The following LUC7L2 variants were observed in gnomAD, a reference collection of about 807,000 sequenced individuals.
LUC7L2 encodes LUC7 like 2, pre-mRNA splicing factor.
LUC7L2 carries 25 observed loss-of-function variants against 52.8 expected under a neutral mutation model. The ratio of observed to expected loss-of-function variants is 0.47; its 90% confidence interval spans 0.34 to 0.66. The LOEUF is 0.66. Among genes scored for constraint, LUC7L2 ranks in the 30% least tolerant of loss-of-function variants. The probability of loss-of-function intolerance (pLI) is 0.01; values close to 1 mark genes in which losing one functional copy is unlikely to be tolerated. For missense variants in LUC7L2, 328 were observed against 497.8 expected (o/e 0.66, Z 3.25); for synonymous variants, 144 against 160.9 (o/e 0.89, Z 0.80).
chr7:139,421,768 C>T (rs536127264), intron 9 of LUC7L2, among the ~76,000 whole-genome samples: 5 of 152,310 alleles, frequency 3.3e-5, no homozygotes, highest in African/African-American at 1.2e-4. Flanking sequence ...TGCAGTACCC[C>T]AGATAGTCAC....
chr7:139,398,482 C>T, intron 2 of LUC7L2, 117 bp from the exon 3 acceptor site: 1 of 703,472 alleles, frequency 1.4e-6, no homozygotes, highest in East Asian at 3.2e-5. Flanking sequence ...TTTGGAAGCC[C>T]CTACATAAAA....
intron 1 of LUC7L2, among the ~76,000 whole-genome samples, chr7:139,370,368 A>G (rs1312908436): frequency 6.6e-6 from 1 of 152,230 alleles, no homozygotes; most frequent in Non-Finnish European, 1.5e-5. Flanking sequence ...AGGAAGATGT[A>G]AAAATGATCA....
At position 139,360,233 on chromosome 7, in the gene LUC7L2, C is replaced by T. The variant is rs769930600; in HGVS notation, c.-29C>T. On this transcript the variant is annotated 5_prime_UTR_variant, in exon 1 of 10. Coordinates refer to ENST00000354926, the MANE Select transcript of LUC7L2 (RefSeq NM_016019.5). ...AAAAGGGCCCGGTCTGCGCCCCACC[C>T]CCGCCCGTCCGCCCGCTACGCCGCC... 1.3e-5 allele frequency: 20 copies of T among 1,540,566 alleles called. No homozygotes were observed. The Admixed American group carries it at 3.7e-4, about 29-fold the overall frequency.
At position 139,407,348 on chromosome 7, in the gene LUC7L2, A is replaced by C; in HGVS notation, c.685A>C (p.Lys229Gln). 1 of 1,606,966 alleles carries C rather than the reference A, an allele frequency of 6.2e-7. No homozygotes were observed. Among genetic ancestry groups the C allele is most frequent in the Non-Finnish European group, 8.5e-7 (1 of 1,176,420 alleles). Residue 229 changes from lysine to glutamine, a missense_variant and splice_region_variant, in exon 6 of 10, where the codon AAG becomes CAG. Physicochemically the swap from Lys to Gln is moderately conservative, Grantham distance 53. Coordinates refer to ENST00000354926, the MANE Select transcript of LUC7L2 (RefSeq NM_016019.5). ...AATAAGAGAGAAGCTTGAAGAATTA[A>C]AGGTACATTGGTAAAATATTCCTCA... ...IEIREKLEEL[K>Q]RVVAEKQEKR...
intron 1 of LUC7L2, among the ~76,000 whole-genome samples, chr7:139,368,962 ATCACC>A (rs1800307311): frequency 6.6e-6 from 1 of 151,894 alleles, no homozygotes; most frequent in African/African-American, 2.4e-5. Flanking sequence ...TGGGTTGTCT[ATCACC>A]TCTGTCCCTT....
At chr7:139,396,915 ATTTAT>A (rs1257567883) in intron 2 of LUC7L2, among the ~76,000 whole-genome samples, 1 of 151,986 alleles carries the variant, frequency 6.6e-6, no homozygotes, top group Non-Finnish European at 1.5e-5. Flanking sequence ...AGGACTTCAT[ATTTAT>A]TTCTTTTAAA....
At chr7:139,367,186 G>C (rs1800203978) in intron 1 of LUC7L2, among the ~76,000 whole-genome samples, 1 of 151,972 alleles carries the variant, frequency 6.6e-6, no homozygotes, top group Non-Finnish European at 1.5e-5. Flanking sequence ...TGGCCAGGCT[G>C]GTCTCAAACT....
Position 139,399,449 on chromosome 7 carries a change from A to ATTTTT in LUC7L2, c.255+786_255+790dup, listed in dbSNP as rs71169090. Among the ~76,000 whole-genome samples, 92 of 50,458 alleles carry ATTTTT rather than the reference A, an allele frequency of 1.8e-3. 22 individuals carry two copies. Among genetic ancestry groups the ATTTTT allele is most frequent in the Non-Finnish European group, 2.5e-3 (64 of 26,118 alleles). The allele number at this position is 50,458 out of a possible 152,430, so 33.1% of individuals were successfully genotyped here. ...GGACATGCATATGGGTGTTTGGGGG[A>ATTTTT]TTTTTTTTTTTTTTTTTTTTTTTTT... On this transcript the variant is annotated intron_variant, in intron 3 of 9. Coordinates refer to ENST00000354926, the MANE Select transcript of LUC7L2 (RefSeq NM_016019.5).
intron 1 of LUC7L2, among the ~76,000 whole-genome samples, chr7:139,374,076 T>G (rs1387257572): frequency 6.6e-6 from 1 of 152,180 alleles, no homozygotes; most frequent in Non-Finnish European, 1.5e-5. Flanking sequence ...CATAGCACCA[T>G]TCTAACATGA....
intron 2 of LUC7L2, among the ~76,000 whole-genome samples, chr7:139,384,600 T>C (rs1794110585): frequency 6.6e-6 from 1 of 152,220 alleles, no homozygotes; most frequent in Admixed American, 6.5e-5. Flanking sequence ...AGATTGCCAG[T>C]GAATAATTAA....
upstream of LUC7L2, among the ~76,000 whole-genome samples, chr7:139,356,603 G>A (rs1799614717): frequency 7.6e-6 from 1 of 131,816 alleles, no homozygotes; most frequent in Non-Finnish European, 1.5e-5. Flanking sequence ...CCAACATGGT[G>A]AAAACCTGCG....
chr7:139,341,533 C>T (rs1798964006), intron 1 of LUC7L2: 3 of 1,609,118 alleles, frequency 1.9e-6, no homozygotes, highest in Non-Finnish European at 2.5e-6. Flanking sequence ...GTACGGGAGC[C>T]ATGTCCCGGG....
At chr7:139,361,739 C>T (rs188615459) in intron 1 of LUC7L2, among the ~76,000 whole-genome samples, 249 of 150,014 alleles carry the variant, frequency 1.7e-3, no homozygotes, top group Non-Finnish European at 3.0e-3. Flanking sequence ...TTTATCACTG[C>T]AGCATGTCTT....
At chr7:139,367,006 GTC>G (rs1219516890) in intron 1 of LUC7L2, among the ~76,000 whole-genome samples, 1 of 151,918 alleles carries the variant, frequency 6.6e-6, no homozygotes, top group East Asian at 1.9e-4. Flanking sequence ...TGGAGACAGA[GTC>G]TCTGTCTCCC....
chr7:139,411,860 G>A (rs940532825), intron 7 of LUC7L2, among the ~76,000 whole-genome samples: 3 of 152,008 alleles, frequency 2.0e-5, no homozygotes, highest in African/African-American at 2.4e-5. Flanking sequence ...TTCCCAGAAG[G>A]GAAAAAAGAA....
Position 139,385,311 on chromosome 7 carries a change from CT to C in LUC7L2, c.156+9181del, listed in dbSNP as rs58744665. On this transcript the variant is annotated intron_variant, in intron 2 of 9. Coordinates refer to ENST00000354926, the MANE Select transcript of LUC7L2 (RefSeq NM_016019.5). The stretch of plus-strand genomic sequence containing the variant: ...GTCTTGAATCTATCAGTTAGGATTA[CT>C]TTTTTTTTTTTTTTTTTTTTTTTTT... Among the ~76,000 whole-genome samples, 183 of 118,570 alleles carry C rather than the reference CT, an allele frequency of 1.5e-3. 1 individual carries two copies. The highest frequency in any genetic ancestry group is 4.5e-3 in the Middle Eastern group (1 of 222). The allele number at this position is 118,570 out of a possible 152,430, so 77.8% of individuals were successfully genotyped here. A position where few individuals can be genotyped will look rare whatever the true frequency, so the allele number is the denominator to read the frequency against.
intron 1 of LUC7L2, among the ~76,000 whole-genome samples, chr7:139,373,604 AAC>A (rs1428774004): frequency 7.2e-5 from 11 of 151,758 alleles, no homozygotes; most frequent in Admixed American, 2.0e-4. Context: ...AATTTTAAAA[AAC>A]ACAAAAAAGC....
intron 1 of LUC7L2, among the ~76,000 whole-genome samples, chr7:139,361,205 C>G (rs949527169): frequency 6.6e-6 from 1 of 152,220 alleles, no homozygotes; most frequent in Non-Finnish European, 1.5e-5. Context: ...AATGTACTCT[C>G]AAATTCAACT....
chr7:139,420,235 G>A (rs748767574), intron 9 of LUC7L2, among the ~76,000 whole-genome samples: 42 of 152,056 alleles, frequency 2.8e-4, no homozygotes, highest in Non-Finnish European at 4.4e-4. Flanking sequence ...CGAGAGTCTC[G>A]TTCTGTCACC....
Sources: allele counts gnomAD v4.1 joint callset (sites outside exome capture counted in the v4.1 genomes callset), GRCh38; gene constraint gnomAD v4.1.1; transcripts MANE v1.5; gene names NCBI Gene and HGNC (gene_info 2026-07-23, HGNC 2026-07-21).